The following CEACAM4 variants were observed in gnomAD, a reference collection of about 807,000 sequenced individuals.
The protein encoded by CEACAM4 is CEA cell adhesion molecule 4.
CEACAM4 carries 30 observed loss-of-function variants against 28.7 expected under a neutral mutation model. The ratio of observed to expected loss-of-function variants is 1.05; its 90% CI spans 0.78 to 1.42. The LOEUF (loss-of-function observed/expected upper bound fraction) is 1.42, where lower values mean the gene tolerates loss of function less well. CEACAM4 is among the 40% of genes most tolerant of loss of function. CEACAM4 has a pLI of 0.00. For missense variants in CEACAM4, 330 were observed against 308.2 expected (o/e 1.07, Z -0.53); for synonymous variants, 143 against 126.5 (o/e 1.13, Z -0.87).
chr19:41,626,881 C>G lies in CEACAM4; in HGVS notation c.64+19G>C. ...CTGTGCTCCCTCTTCCCACCACTCC[C>G]AGAGAGTCCTCCCCTCACCTGTGAT... On this transcript the variant is annotated intron_variant, in intron 1 of 6. Transcript: ENST00000221954. 6.2e-7 allele frequency: 1 copy of G among 1,610,214 alleles called. No individual in the cohort carries two copies.
intron 1 of CEACAM4, among the ~76,000 whole-genome samples, chr19:41,626,534 C>T (rs141521852): frequency 1.2e-4 from 18 of 152,302 alleles, no homozygotes; most frequent in African/African-American, 4.3e-4. Context: ...GGTTTATTTC[C>T]CAGTGTCTGA....
Position 41,625,970 on chromosome 19 carries a change from G to A in CEACAM4, c.65-10C>T, listed in dbSNP as rs782119957. 9.4e-6 allele frequency: 15 copies of A among 1,600,252 alleles called. No individual in the cohort carries two copies. Among genetic ancestry groups the A allele is most frequent in the Non-Finnish European group, 1.3e-5 (15 of 1,172,596 alleles). On this transcript the variant is annotated splice_polypyrimidine_tract_variant and intron_variant, in intron 1 of 6. Coordinates refer to ENST00000221954, the MANE Select transcript of CEACAM4 (RefSeq NM_001817.4). ...AAGGTTAAAAGTGAGGCTAGGAGGT[G>A]AAGACAGCATCAGTCAATACTGGGA...
chr19:41,619,824 C>T, intron 5 of CEACAM4, 113 bp from the exon 6 acceptor site: 1 of 878,832 alleles, frequency 1.1e-6, no homozygotes, highest in Non-Finnish European at 1.7e-6. Context: ...CCTCCACTTC[C>T]ACTCATTTCC....
chr19:41,620,656 G>A lies in CEACAM4; in HGVS notation c.543-29C>T, dbSNP rs782594521. ...GGAAAGGTCAGGATTATTCATGAGG[G>A]TGCAGGGAGAAATCACAGGTTTAGG... On this transcript the variant is annotated intron_variant, in intron 3 of 6. Coordinates refer to ENST00000221954, the MANE Select transcript of CEACAM4 (RefSeq NM_001817.4). 6.9e-6 allele frequency: 11 copies of A among 1,600,720 alleles called. No individual in the cohort carries two copies. The South Asian group carries it at 1.1e-4, about 16-fold the overall frequency.
chr19:41,619,494 G>GA (rs2071119297), intron 6 of CEACAM4, 99 bp from the exon 7 acceptor site: 2 of 1,577,632 alleles, frequency 1.3e-6, no homozygotes, highest in Middle Eastern at 3.4e-4. Flanking sequence ...CTCTGGGGCT[G>GA]AACCTGGCTG....
downstream of CEACAM4, among the ~76,000 whole-genome samples, chr19:41,615,709 C>A (rs2122395685): frequency 6.6e-6 from 1 of 151,910 alleles, no homozygotes; most frequent in South Asian, 2.1e-4. Flanking sequence ...GAGGACAGGA[C>A]AGAGAGGACC....
Position 41,621,778 on chromosome 19 carries a change from G to A in CEACAM4, c.425-10C>T, listed in dbSNP as rs200832407. On this transcript the variant is annotated splice_polypyrimidine_tract_variant and intron_variant, in intron 2 of 6. Coordinates refer to ENST00000221954, the MANE Select transcript of CEACAM4 (RefSeq NM_001817.4). Reference sequence around the variant, plus strand: ...CCTGGGACGTTGTTTTCTGCAGAAAGGGGAAGGCAAAGGGGACAAGGCCCA... The same window carrying A: ...CCTGGGACGTTGTTTTCTGCAGAAAAGGGAAGGCAAAGGGGACAAGGCCCA... The A allele has an allele frequency of 6.2e-5, 97 of 1,552,074 alleles. No homozygotes were observed. The highest frequency in any genetic ancestry group is 3.4e-4 in the Middle Eastern group (2 of 5,950).
rs782641885 is a variant in CEACAM4 at position 41,625,818 on chromosome 19, C to T, written c.207G>A (p.Lys69=). 7.4e-6 allele frequency: 12 copies of T among 1,613,902 alleles called. No homozygotes were observed. Among genetic ancestry groups the T allele is most frequent in the African/African-American group, 1.3e-5 (1 of 74,896 alleles). The change falls in exon 2 of 7, where the codon AAG becomes AAA. Residue 69 remains lysine (K), a synonymous_variant. Transcript: ENST00000221954. ...SETIQAYYWH[K]GKTAEGSPLI... ...GAGGGCTCCCTTCTGCCGTTTTCCC[C>T]TTGTGCCAATAATAGGCTTGAATAG...
intron 2 of CEACAM4, 177 bp downstream of exon 2, chr19:41,625,424 A>C: frequency 1.3e-6 from 1 of 761,324 alleles, no homozygotes; most frequent in Non-Finnish European, 2.1e-6. Flanking sequence ...TGGATGCAGG[A>C]AAGGAATTCT....
At position 41,625,818 on chromosome 19, in the gene CEACAM4, C is replaced by G. The variant is rs782641885; in HGVS notation, c.207G>C (p.Lys69Asn). 1 of 1,614,020 alleles carries G rather than the reference C, an allele frequency of 6.2e-7. No homozygotes were observed. Among genetic ancestry groups the G allele is most frequent in the South Asian group, 1.1e-5 (1 of 91,076 alleles). ...SETIQAYYWH[K>N]GKTAEGSPLI... is the part of the protein sequence containing the mutation. ...GAGGGCTCCCTTCTGCCGTTTTCCC[C>G]TTGTGCCAATAATAGGCTTGAATAG... Residue 69 changes from lysine (K) to asparagine (N), a missense_variant, in exon 2 of 7, where the codon AAG (lysine) becomes AAC (asparagine). Lys to Asn is a moderately conservative substitution (Grantham distance 94, BLOSUM62 0). Transcript: ENST00000221954.
chr19:41,619,580 C>T, intron 6 of CEACAM4, 90 bp downstream of exon 6: 1 of 1,558,724 alleles, frequency 6.4e-7, no homozygotes, highest in Non-Finnish European at 8.7e-7. Context: ...ACTGCATTTT[C>T]CTGAATCTGA....
chr19:41,625,525 A>G lies in CEACAM4; in HGVS notation c.424+76T>C, dbSNP rs547757971. 9.6e-4 allele frequency: 1,453 copies of G among 1,508,092 alleles called. 1 individual carries two copies. The highest frequency in any genetic ancestry group is 5.5e-3 in the Middle Eastern group (30 of 5,448). 93.4% of individuals were successfully genotyped at this position (1,508,092 alleles called of 1,614,324 possible). A position where few individuals can be genotyped will look rare whatever the true frequency, so the allele number is the denominator to read the frequency against. The stretch of plus-strand genomic sequence containing the variant: ...AAAATGCAGAGGGGGATGCAGGCAC[A>G]GCCCAGGCCTGACAATCTCATGTGT... On this transcript the variant is annotated intron_variant, in intron 2 of 6. Coordinates refer to ENST00000221954, the MANE Select transcript of CEACAM4 (RefSeq NM_001817.4).
At chr19:41,622,820 G>A (rs551443817) in intron 2 of CEACAM4, among the ~76,000 whole-genome samples, 2 of 146,148 alleles carry the variant, frequency 1.4e-5, no homozygotes, top group South Asian at 2.2e-4. Flanking sequence ...AGGTGTTACA[G>A]TGAGTTTGAT....
At chr19:41,626,322 C>T (rs1280079315) in intron 1 of CEACAM4, among the ~76,000 whole-genome samples, 1 of 152,162 alleles carries the variant, frequency 6.6e-6, no homozygotes, top group Non-Finnish European at 1.5e-5. Context: ...CTGACCTTTC[C>T]CAGCTCTGTT....
downstream of CEACAM4, among the ~76,000 whole-genome samples, chr19:41,615,816 C>T (rs1327572356): frequency 6.6e-6 from 1 of 152,094 alleles, no homozygotes; most frequent in African/African-American, 2.4e-5. Flanking sequence ...GTGTGACTAG[C>T]AGGGACACTG....
At chr19:41,623,667 A>G (rs1386476410) in intron 2 of CEACAM4, among the ~76,000 whole-genome samples, 1 of 151,686 alleles carries the variant, frequency 6.6e-6, no homozygotes, top group Non-Finnish European at 1.5e-5. Context: ...CTGGAGTTGG[A>G]TATTTCCCAC....
At chr19:41,614,935 TGGGGAGGGGAAGGGGAGGGGAAG>T (rs1568637908), downstream of CEACAM4, among the ~76,000 whole-genome samples, 2 of 4,806 alleles carry the variant, frequency 4.2e-4, no homozygotes, top group Admixed American at 5.1e-3. Flanking sequence ...GGGATAGGGG[TGGGGAGGGGAAGGGGAGGGGAAG>T]GGGGAGGGGA....
chr19:41,615,395 A>G (rs1304631823), downstream of CEACAM4, among the ~76,000 whole-genome samples: 1 of 152,030 alleles, frequency 6.6e-6, no homozygotes, highest in African/African-American at 2.4e-5. Flanking sequence ...TGCGCAGTGA[A>G]GCCTCAGGTG....
intron 3 of CEACAM4, among the ~76,000 whole-genome samples, chr19:41,621,070 C>T (rs782240252): frequency 1.3e-5 from 2 of 152,090 alleles, no homozygotes; most frequent in Non-Finnish European, 2.9e-5. Flanking sequence ...CCAGACCCTC[C>T]TTTCAGGCCT....
Sources: allele counts gnomAD v4.1 joint callset (sites outside exome capture counted in the v4.1 genomes callset), GRCh38; gene constraint gnomAD v4.1.1; transcripts MANE v1.5; gene names NCBI Gene and HGNC (gene_info 2026-07-23, HGNC 2026-07-21).